Variants in SPOCK1 observed in about 807,000 individuals in gnomAD.
SPOCK1 encodes the protein testican-1.
A neutral mutation model predicts 55.3 loss-of-function variants in SPOCK1; 23 were observed. The ratio of observed to expected loss-of-function variants is 0.42; its 90% confidence interval spans 0.30 to 0.59. The LOEUF (loss-of-function observed/expected upper bound fraction) is 0.59. SPOCK1 is among the 20% of genes least tolerant of loss of function. SPOCK1 has a pLI of 0.22. For synonymous variants in SPOCK1, 226 were observed against 221.0 expected (o/e 1.02, Z -0.20); for missense variants, 499 against 552.5 (o/e 0.90, Z 0.97).
At chr5:137,226,184 T>C (rs973632638) in intron 3 of SPOCK1, among the ~76,000 whole-genome samples, 16 of 152,208 alleles carry the variant, frequency 1.1e-4, no homozygotes, top group African/African-American at 3.9e-4. Context: ...CACAGGGAGA[T>C]TGATGGGCAT....
At chr5:136,990,206 G>A (rs1377885059) in intron 7 of SPOCK1, among the ~76,000 whole-genome samples, 3 of 151,870 alleles carry the variant, frequency 2.0e-5, no homozygotes, top group South Asian at 2.1e-4. Context: ...CACCGCCCTC[G>A]GCCCTGTACC....
chr5:137,393,663 A>T (rs1446756085), intron 2 of SPOCK1, among the ~76,000 whole-genome samples: 1 of 152,220 alleles, frequency 6.6e-6, no homozygotes, highest in African/African-American at 2.4e-5. Context: ...TGTTCATAGG[A>T]GGTGACACAG....
intron 2 of SPOCK1, among the ~76,000 whole-genome samples, chr5:137,412,427 A>T (rs2149822637): frequency 6.6e-6 from 1 of 152,320 alleles, no homozygotes; most frequent in African/African-American, 2.4e-5. Flanking sequence ...ATGGCTAAGT[A>T]TGGGTAGATG....
chr5:137,278,522 C>G (rs1757111218), intron 2 of SPOCK1, among the ~76,000 whole-genome samples: 1 of 152,160 alleles, frequency 6.6e-6, no homozygotes, highest in African/African-American at 2.4e-5. Flanking sequence ...CCACTGCTAA[C>G]AGCAGGGCCC....
In SPOCK1 at chr5:137,079,539, C is replaced by CG. The variant is rs964864241; in HGVS notation, c.475-11711_475-11710insC. Among the ~76,000 whole-genome samples, 12 of 149,104 alleles carry CG rather than the reference C, an allele frequency of 8.0e-5. 1 individual carries two copies. Among genetic ancestry groups the CG allele is most frequent in the African/African-American group, 2.0e-4 (8 of 39,740 alleles). ...TCCTACCATCCCATCTGATTCCCCC[C>CG]CCCCCCGACTTAGTGAAATGTCGTA... On this transcript the variant is annotated intron_variant, in intron 5 of 10. Coordinates refer to ENST00000394945, the MANE Select transcript of SPOCK1 (RefSeq NM_004598.4).
chr5:137,186,250 A>G (rs1399973118), intron 3 of SPOCK1, among the ~76,000 whole-genome samples: 1 of 152,252 alleles, frequency 6.6e-6, no homozygotes, highest in Non-Finnish European at 1.5e-5. Flanking sequence ...CTGATCATTG[A>G]GATAATGTAC....
intron 4 of SPOCK1, among the ~76,000 whole-genome samples, chr5:137,121,875 A>G (rs1366846718): frequency 6.8e-6 from 1 of 146,326 alleles, no homozygotes; most frequent in African/African-American, 2.5e-5. Context: ...ATAATATATA[A>G]TTATATATAA....
At chr5:137,058,380 T>A (rs1347026902) in intron 6 of SPOCK1, among the ~76,000 whole-genome samples, 4 of 152,230 alleles carry the variant, frequency 2.6e-5, no homozygotes, top group African/African-American at 9.6e-5. Context: ...GTTAGGGGGA[T>A]TAAACATATG....
At chr5:137,324,927 C>A (rs1758048427) in intron 2 of SPOCK1, among the ~76,000 whole-genome samples, 1 of 150,390 alleles carries the variant, frequency 6.6e-6, no homozygotes, top group Admixed American at 6.6e-5. Flanking sequence ...ATCACCAACA[C>A]TAAGCTGTGC....
chr5:137,117,008 G>A (rs1753598604), intron 4 of SPOCK1, among the ~76,000 whole-genome samples: 1 of 152,098 alleles, frequency 6.6e-6, no homozygotes, highest in Admixed American at 6.5e-5. Context: ...GACCACTTCT[G>A]GTTGGGTTCT....
chr5:137,182,305 G>T (rs1297894874), intron 3 of SPOCK1, among the ~76,000 whole-genome samples: 1 of 152,138 alleles, frequency 6.6e-6, no homozygotes, highest in Admixed American at 6.5e-5. Context: ...CCGGGTCTTT[G>T]CTCCTGCAGT....
intron 3 of SPOCK1, among the ~76,000 whole-genome samples, chr5:137,202,560 T>C (rs1270652885): frequency 6.6e-6 from 1 of 152,196 alleles, no homozygotes; most frequent in Non-Finnish European, 1.5e-5. Context: ...CATGTATAAA[T>C]GCCTCCAGGA....
chr5:137,309,675 G>C (rs1156821798), intron 2 of SPOCK1, among the ~76,000 whole-genome samples: 1 of 152,094 alleles, frequency 6.6e-6, no homozygotes, highest in Non-Finnish European at 1.5e-5. Context: ...CCCAAATCCT[G>C]GTCCTGCCAC....
chr5:136,999,778 G>A (rs1242982580), intron 6 of SPOCK1, among the ~76,000 whole-genome samples: 1 of 152,178 alleles, frequency 6.6e-6, no homozygotes, highest in Non-Finnish European at 1.5e-5. Context: ...GTGTGAGTGA[G>A]CGTGTCTCTG....
chr5:137,342,365 T>C (rs936799205), intron 2 of SPOCK1, among the ~76,000 whole-genome samples: 3 of 152,214 alleles, frequency 2.0e-5, no homozygotes, highest in African/African-American at 7.2e-5. Context: ...AAAAATCTTG[T>C]CTTGGGCATT....
At chr5:137,084,512 G>A (rs1236133810) in intron 5 of SPOCK1, among the ~76,000 whole-genome samples, 2 of 152,020 alleles carry the variant, frequency 1.3e-5, no homozygotes, top group African/African-American at 4.8e-5. Context: ...AAACACACAA[G>A]GGATGGAAAT....
intron 3 of SPOCK1, among the ~76,000 whole-genome samples, chr5:137,186,047 A>T (rs1047878861): frequency 6.6e-6 from 1 of 152,192 alleles, no homozygotes; most frequent in South Asian, 2.1e-4. Flanking sequence ...GTTATTGGGA[A>T]TCCAAAAAAA....
chr5:137,408,189 A>T (rs1412563566), intron 2 of SPOCK1, among the ~76,000 whole-genome samples: 1 of 152,200 alleles, frequency 6.6e-6, no homozygotes, highest in Admixed American at 6.5e-5. Flanking sequence ...GGCCCATGAG[A>T]ACAAAGACCT....
chr5:137,407,569 G>A (rs1166076503), intron 2 of SPOCK1, among the ~76,000 whole-genome samples: 1 of 151,940 alleles, frequency 6.6e-6, no homozygotes, highest in Non-Finnish European at 1.5e-5. Flanking sequence ...CTTCCTCAAG[G>A]TCCCTGTAAA....
Sources: allele counts gnomAD v4.1 joint callset (sites outside exome capture counted in the v4.1 genomes callset), GRCh38; gene constraint gnomAD v4.1.1; transcripts MANE v1.5; gene names NCBI Gene and HGNC (gene_info 2026-07-23, HGNC 2026-07-21).